GTF2F2: variants seen among roughly 807,000 people sequenced by gnomAD.
The protein encoded by GTF2F2 is general transcription factor IIF subunit 2.
GTF2F2 carries 23 observed loss-of-function variants against 42.2 expected under a neutral mutation model. The observed-to-expected ratio is 0.55, with a 90% CI of 0.39 to 0.77. The LOEUF is 0.77. Ranked by LOEUF, GTF2F2 falls within the 30% of genes least tolerant of loss-of-function variation. The pLI is 0.00. For missense variants in GTF2F2, 261 were observed against 287.2 expected, an observed-to-expected ratio of 0.91 and a Z score of 0.66; for synonymous variants, 105 against 100.8, an observed-to-expected ratio of 1.04 and a Z score of -0.25.
At chr13:45,274,323 C>CTTTTTT (rs367793010) in intron 7 of GTF2F2, among the ~76,000 whole-genome samples, 29 of 102,428 alleles carry the variant, frequency 2.8e-4, no homozygotes, top group African/African-American at 3.8e-4. Context: ...ACAAATTATA[C>CTTTTTT]TTTTTTTTTT....
At chr13:45,245,857 C>A (rs9595275) in intron 5 of GTF2F2, among the ~76,000 whole-genome samples, 1 of 139,356 alleles carries the variant, frequency 7.2e-6, no homozygotes, top group East Asian at 2.3e-4. Context: ...AGGAGAATGG[C>A]GTGAACCTGG....
intron 4 of GTF2F2, among the ~76,000 whole-genome samples, chr13:45,168,803 C>CCTTT (rs1871430500): frequency 6.7e-6 from 1 of 148,818 alleles, no homozygotes; most frequent in Non-Finnish European, 1.5e-5. Flanking sequence ...TTCCTTCCTT[C>CCTTT]CTTCCTTCCT....
chr13:45,131,210 G>GA (rs770146191), intron 1 of GTF2F2, among the ~76,000 whole-genome samples: 246 of 133,424 alleles, frequency 1.8e-3, no homozygotes, highest in African/African-American at 2.8e-3. Flanking sequence ...CTCAGTCTCA[G>GA]AAAAAAAAAA....
At position 45,245,796 on chromosome 13, in the gene GTF2F2, C is replaced by T. The variant is rs1220784164; in HGVS notation, c.387-7075C>T. Among the ~76,000 whole-genome samples the T allele has an allele frequency of 6.2e-5, 9 of 146,050 alleles. No homozygotes were observed. The South Asian group carries it at 1.3e-3, about 21-fold the overall frequency. The stretch of plus-strand genomic sequence containing the variant: ...ATCTACTAAAAATACAAAAAATTAG[C>T]CGGGCGTGGTGGCAGGTGCCTGCAG... On this transcript the variant is annotated intron_variant, in intron 5 of 7. Coordinates refer to ENST00000340473, the MANE Select transcript of GTF2F2 (RefSeq NM_004128.3).
At chr13:45,245,700 T>TATATATATATAC (rs1372154058) in intron 5 of GTF2F2, among the ~76,000 whole-genome samples, 1 of 65,492 alleles carries the variant, frequency 1.5e-5, no homozygotes, top group African/African-American at 1.2e-4. Flanking sequence ...TATATATATA[T>TATATATATATAC]ACATATACAT....
chr13:45,169,541 T>C (rs1945140608), intron 4 of GTF2F2, among the ~76,000 whole-genome samples: 2 of 152,252 alleles, frequency 1.3e-5, no homozygotes, highest in African/African-American at 2.4e-5. Flanking sequence ...ATTTAATACT[T>C]GTGATTTAGT....
intron 1 of GTF2F2, among the ~76,000 whole-genome samples, chr13:45,125,957 G>A (rs1447985035): frequency 6.6e-6 from 1 of 152,172 alleles, no homozygotes; most frequent in African/African-American, 2.4e-5. Context: ...AGTGGATATG[G>A]TTTGCCCCAG....
At chr13:45,171,505 C>CT in intron 4 of GTF2F2, among the ~76,000 whole-genome samples, 2 of 152,266 alleles carry the variant, frequency 1.3e-5, no homozygotes, top group Admixed American at 1.3e-4. Flanking sequence ...TATTGAAACA[C>CT]TTTAGAGTTT....
intron 4 of GTF2F2, among the ~76,000 whole-genome samples, chr13:45,180,572 A>C (rs1872103787): frequency 6.6e-6 from 1 of 152,176 alleles, no homozygotes; most frequent in Non-Finnish European, 1.5e-5. Context: ...GTGTAAGGAA[A>C]AGATTGCTCA....
chr13:45,156,324 T>C (rs74070934), intron 4 of GTF2F2, among the ~76,000 whole-genome samples: 2,329 of 152,292 alleles, frequency 0.015, 17 homozygotes, highest in African/African-American at 0.032. Context: ...GAAGTGGAGA[T>C]AATATTTGAG....
chr13:45,241,690 C>T (rs1196727151), intron 5 of GTF2F2, among the ~76,000 whole-genome samples: 1 of 152,174 alleles, frequency 6.6e-6, no homozygotes, highest in Non-Finnish European at 1.5e-5. Flanking sequence ...TATCTATTCT[C>T]TTAAATGCTG....
At chr13:45,128,821 T>C (rs1869184133) in intron 1 of GTF2F2, among the ~76,000 whole-genome samples, 1 of 152,044 alleles carries the variant, frequency 6.6e-6, no homozygotes, top group Admixed American at 6.5e-5. Context: ...CTCGAACTCC[T>C]GGCTCAAGTG....
intron 5 of GTF2F2, among the ~76,000 whole-genome samples, chr13:45,212,451 C>CT (rs1593494264): frequency 1.4e-5 from 1 of 71,706 alleles, no homozygotes; most frequent in East Asian, 3.1e-4. Context: ...TTTCTTGTTT[C>CT]TTTCTTTCTT....
chr13:45,251,728 CAGTG>C (rs1026109578), intron 5 of GTF2F2, among the ~76,000 whole-genome samples: 1 of 151,846 alleles, frequency 6.6e-6, no homozygotes, highest in Non-Finnish European at 1.5e-5. Flanking sequence ...AGTAGTTTCT[CAGTG>C]AGGATCTATA....
chr13:45,136,596 G>C, intron 1 of GTF2F2, 137 bp from the exon 2 acceptor site: 1 of 556,014 alleles, frequency 1.8e-6, no homozygotes, highest in Non-Finnish European at 3.2e-6. Flanking sequence ...ATTTTATATA[G>C]TGTAAAACAT....
intron 5 of GTF2F2, among the ~76,000 whole-genome samples, chr13:45,222,269 T>G (rs2138206030): frequency 6.6e-6 from 1 of 152,264 alleles, no homozygotes; most frequent in Non-Finnish European, 1.5e-5. Flanking sequence ...TTTAGGAGAT[T>G]TATCTGAAGT....
At chr13:45,129,251 CAGGCTGG>C (rs1869209902) in intron 1 of GTF2F2, among the ~76,000 whole-genome samples, 1 of 152,218 alleles carries the variant, frequency 6.6e-6, no homozygotes, top group South Asian at 2.1e-4. Context: ...CACTGTCACC[CAGGCTGG>C]AGTGCAGTGG....
intron 1 of GTF2F2, among the ~76,000 whole-genome samples, chr13:45,133,924 C>G (rs1211298974): frequency 1.3e-5 from 2 of 152,136 alleles, no homozygotes; most frequent in African/African-American, 2.4e-5. Flanking sequence ...TGTATACACC[C>G]CATGGTCTCT....
chr13:45,254,026 C>T (rs1426790100), intron 6 of GTF2F2, among the ~76,000 whole-genome samples: 2 of 146,948 alleles, frequency 1.4e-5, no homozygotes, highest in African/African-American at 5.1e-5. Context: ...CACGCCACTG[C>T]ACTGCAGCCT....
Sources: allele counts gnomAD v4.1 joint callset (sites outside exome capture counted in the v4.1 genomes callset), GRCh38; gene constraint gnomAD v4.1.1; transcripts MANE v1.5; gene names NCBI Gene and HGNC (gene_info 2026-07-23, HGNC 2026-07-21).